MYO3A: variants seen among roughly 807,000 people sequenced by gnomAD.
MYO3A encodes the protein myosin-IIIa.
A neutral mutation model predicts 192.7 loss-of-function variants in MYO3A; 180 were observed. That is an observed-to-expected ratio of 0.93 (90% CI 0.83 to 1.06). MYO3A has a LOEUF of 1.06. MYO3A is among the 50% of genes least tolerant of loss of function. The pLI is 0.00. For missense variants in MYO3A, 1,896 were observed against 1,905.0 expected, an observed-to-expected ratio of 1.00 and a Z score of 0.09; for synonymous variants, 628 against 645.3, an observed-to-expected ratio of 0.97 and a Z score of 0.41.
At chr10:26,104,979 T>C (rs1324364943) in intron 17 of MYO3A, among the ~76,000 whole-genome samples, 2 of 152,058 alleles carry the variant, frequency 1.3e-5, no homozygotes, top group African/African-American at 4.8e-5. Context: ...CACACTTTTC[T>C]ATATCTGATT....
chr10:26,081,222 T>C (rs1398730615), intron 14 of MYO3A, among the ~76,000 whole-genome samples: 1 of 144,386 alleles, frequency 6.9e-6, no homozygotes, highest in Non-Finnish European at 1.5e-5. Context: ...CAGACTCTCC[T>C]TGGGCGGGTC....
rs1297812760 is a variant in MYO3A, at chr10:25,984,807, G to A, written c.304-11683G>A. ...ATAACCTGCTCCTAAATGATCATTGGTCAACAATGAAATCAAGATGGAAAT... is the reference window on the plus strand; with the variant it reads ...ATAACCTGCTCCTAAATGATCATTGATCAACAATGAAATCAAGATGGAAAT... On this transcript the variant is annotated intron_variant, in intron 4 of 34. Transcript: ENST00000642920. Among the ~76,000 whole-genome samples the A allele has an allele frequency of 3.9e-5, 6 of 152,234 alleles. 1 individual carries two copies. The highest frequency in any genetic ancestry group is 5.9e-5 in the Non-Finnish European group (4 of 68,020).
At chr10:26,035,207 A>G (rs1333088934) in intron 10 of MYO3A, among the ~76,000 whole-genome samples, 2 of 152,186 alleles carry the variant, frequency 1.3e-5, no homozygotes, top group Non-Finnish European at 1.5e-5. Context: ...CCTGTCTTAA[A>G]TATTTCCTTA....
Position 26,019,733 on chromosome 10 carries a change from T to C in MYO3A, c.586-1770T>C, listed in dbSNP as rs181520165. On this transcript the variant is annotated intron_variant, in intron 7 of 34. Transcript: ENST00000642920. ...AAGCATGTATTAATGCATCACTTATTTTTAGAGTTGAATAATATTCCATTG... is the reference window on the plus strand; with the variant it reads ...AAGCATGTATTAATGCATCACTTATCTTTAGAGTTGAATAATATTCCATTG... 4.1e-3 allele frequency among the ~76,000 whole-genome samples: 619 copies of C among 152,376 alleles called. 5 individuals are homozygous for C. The highest frequency in any genetic ancestry group is 0.014 in the African/African-American group (584 of 41,596).
In MYO3A at chr10:26,174,433, C is replaced by T; in HGVS notation, c.4169C>T (p.Thr1390Ile). 1 of 1,614,162 alleles carries T rather than the reference C, an allele frequency of 6.2e-7. No homozygotes were observed. The highest frequency in any genetic ancestry group is 1.1e-5 in the South Asian group (1 of 91,082). The change falls in exon 30 of 35, where the codon ACT becomes ATT. Residue 1390 changes from threonine to isoleucine, a missense_variant. Physicochemically the swap from Thr to Ile is moderately conservative, Grantham distance 89. Coordinates refer to ENST00000642920, the MANE Select transcript of MYO3A (RefSeq NM_017433.5). ...VTTPTEVARN[T>I]HNLYSYPTKH... ...ACACCAACAGAAGTAGCAAGAAACA[C>T]TCATAATTTGTATTCCTATCCCACA...
chr10:26,043,597 C>T (rs527350825), intron 10 of MYO3A, among the ~76,000 whole-genome samples: 184 of 152,282 alleles, frequency 1.2e-3, no homozygotes, highest in African/African-American at 4.2e-3. Flanking sequence ...TGGTCACCAC[C>T]ACCACAGGCC....
intron 7 of MYO3A, among the ~76,000 whole-genome samples, chr10:26,018,064 T>TATGTATGTATGTATGTATGA (rs1842079611): frequency 6.6e-6 from 1 of 151,220 alleles, no homozygotes; most frequent in Non-Finnish European, 1.5e-5. Context: ...GTTTATTTAT[T>TATGTATGTATGTATGTATGA]ATAACAAGCC....
At chr10:25,941,937 C>G (rs916141809) in intron 2 of MYO3A, among the ~76,000 whole-genome samples, 1 of 152,008 alleles carries the variant, frequency 6.6e-6, no homozygotes, top group East Asian at 1.9e-4. Flanking sequence ...TAGTATGTGT[C>G]AAGTTTCCTT....
intron 20 of MYO3A, among the ~76,000 whole-genome samples, chr10:26,135,983 AAG>A (rs1287571129): frequency 1.3e-5 from 2 of 151,378 alleles, no homozygotes; most frequent in Non-Finnish European, 2.9e-5. Flanking sequence ...AAAAAAAAAA[AAG>A]AACAGAAACT....
chr10:25,977,568 T>G (rs1825467660), intron 4 of MYO3A, among the ~76,000 whole-genome samples: 2 of 152,206 alleles, frequency 1.3e-5, no homozygotes, highest in Non-Finnish European at 1.5e-5. Flanking sequence ...TTGTCATTTG[T>G]GATTTTCTGT....
At position 26,152,068 on chromosome 10, in the gene MYO3A, T is replaced by C. The variant is rs1011284303; in HGVS notation, c.2636-1782T>C. 5.9e-5 allele frequency among the ~76,000 whole-genome samples: 9 copies of C among 152,338 alleles called. No homozygotes were observed. The East Asian group carries it at 1.5e-3, about 26-fold the overall frequency. ...CATCTAATTCCATGTTTTTTGCCCT[T>C]ATAAAATATGCAGCCAGGCTCTAAA... is the stretch of plus-strand genomic sequence containing the variant. On this transcript the variant is annotated intron_variant, in intron 23 of 34. Transcript: ENST00000642920.
At position 26,062,515 on chromosome 10, in the gene MYO3A, C is replaced by CAAAAAAAAA. The variant is rs573334201; in HGVS notation, c.954-4450_954-4442dup. Among the ~76,000 whole-genome samples the CAAAAAAAAA allele has an allele frequency of 5.9e-4, 25 of 42,228 alleles. 1 individual carries two copies. The highest frequency in any genetic ancestry group is 8.1e-4 in the Non-Finnish European group (13 of 16,004). The allele number at this position is 42,228 out of a possible 152,430, so 27.7% of individuals were successfully genotyped here. On this transcript the variant is annotated intron_variant, in intron 10 of 34. Coordinates refer to ENST00000642920, the MANE Select transcript of MYO3A (RefSeq NM_017433.5). ...CTGGCGACAGAGTGAGATGCCATCTCAAAAAAAAAAAAAAAAAATTATGGA... is the reference window on the plus strand; with the variant it reads ...CTGGCGACAGAGTGAGATGCCATCTCAAAAAAAAAAAAAAAAAAAAAAAAAAATTATGGA...
At chr10:25,973,145 T>A (rs1838762468) in intron 4 of MYO3A, among the ~76,000 whole-genome samples, 1 of 152,184 alleles carries the variant, frequency 6.6e-6, no homozygotes, top group Admixed American at 6.5e-5. Context: ...GTTTAGGTCC[T>A]CTCTTATTTC....
chr10:26,107,125 A>G (rs1372453882), intron 17 of MYO3A, among the ~76,000 whole-genome samples: 1 of 152,052 alleles, frequency 6.6e-6, no homozygotes, highest in Non-Finnish European at 1.5e-5. Flanking sequence ...TGCTGCCATT[A>G]CAGCACCCCA....
chr10:25,959,221 T>C (rs916948923), intron 4 of MYO3A, among the ~76,000 whole-genome samples: 2 of 152,086 alleles, frequency 1.3e-5, no homozygotes, highest in African/African-American at 4.8e-5. Flanking sequence ...GGAGTGTATG[T>C]TTTTTGTATG....
At chr10:25,969,382 A>G (rs908488920) in intron 4 of MYO3A, among the ~76,000 whole-genome samples, 12 of 152,216 alleles carry the variant, frequency 7.9e-5, no homozygotes, top group African/African-American at 2.9e-4. Flanking sequence ...AGCATAGTAT[A>G]TATACGGTGC....
rs552877665 is a variant in MYO3A at position 26,177,983 on chromosome 10, C to T, written c.4438+1138C>T. ...CCACAAATGGCTCTTTGGTGCCCTTCATTCCTGCTGCTCTCCTGCTCTCTG... is the reference window on the plus strand; with the variant it reads ...CCACAAATGGCTCTTTGGTGCCCTTTATTCCTGCTGCTCTCCTGCTCTCTG... On this transcript the variant is annotated intron_variant, in intron 31 of 34. Coordinates refer to ENST00000642920, the MANE Select transcript of MYO3A (RefSeq NM_017433.5). 9.8e-5 allele frequency among the ~76,000 whole-genome samples: 15 copies of T among 152,324 alleles called. No homozygotes were observed. The East Asian group carries it at 2.1e-3, about 22-fold the overall frequency.
At chr10:26,039,207 ATTTTTTTTTTT>A (rs34416918) in intron 10 of MYO3A, among the ~76,000 whole-genome samples, 4 of 106,856 alleles carry the variant, frequency 3.7e-5, no homozygotes, top group African/African-American at 7.8e-5. Flanking sequence ...GGCTCGGCTA[ATTTTTTTTTTT>A]TTTTTTTTTT....
At chr10:26,103,320 G>A (rs1334370334) in intron 17 of MYO3A, among the ~76,000 whole-genome samples, 4 of 152,170 alleles carry the variant, frequency 2.6e-5, no homozygotes, top group Non-Finnish European at 5.9e-5. Flanking sequence ...GGAATTCCCC[G>A]ACCCCTTGTG....
Sources: gnomAD v4.1 joint callset for allele counts (sites outside exome capture counted in the v4.1 genomes callset) on GRCh38, gnomAD v4.1.1 for gene constraint, MANE v1.5 for transcripts, NCBI Gene and HGNC (gene_info 2026-07-23, HGNC 2026-07-21) for gene names.